The following CHST15 variants were observed in gnomAD, a reference collection of about 807,000 sequenced individuals.
CHST15 encodes the protein carbohydrate sulfotransferase 15, also known as B cell RAG associated protein (GALNAC4S-6ST).
Under a neutral mutation model 53.6 loss-of-function variants are expected in CHST15, and 30 were observed. The observed-to-expected ratio is 0.56, with a 90% CI of 0.42 to 0.76. The LOEUF (loss-of-function observed/expected upper bound fraction) is 0.76. CHST15 is among the 30% of genes least tolerant of loss of function. The pLI is 0.00. For synonymous variants in CHST15, 296 were observed against 289.8 expected, an observed-to-expected ratio of 1.02 and a Z score of -0.22; for missense variants, 627 against 740.5, an observed-to-expected ratio of 0.85 and a Z score of 1.78.
At position 124,009,105 on chromosome 10, in the gene CHST15, T is replaced by G. The variant is rs1464205475; in HGVS notation, c.*1044A>C. 7.9e-7 allele frequency: 1 copy of G among 1,261,004 alleles called. No homozygotes were observed. Among genetic ancestry groups the G allele is most frequent in the Admixed American group, 2.3e-5 (1 of 42,656 alleles). The allele number at this position is 1,261,004 out of a possible 1,614,324, so 78.1% of individuals were successfully genotyped here. On this transcript the variant is annotated 3_prime_UTR_variant, in exon 8 of 8. Transcript: ENST00000435907. ...AGTGGAGAATGTGGAAATAAACTATTTCCAATGGGAAGGCAGAGAAATGGA... is the reference window on the plus strand; with the variant it reads ...AGTGGAGAATGTGGAAATAAACTATGTCCAATGGGAAGGCAGAGAAATGGA...
At chr10:124,012,532 T>G (rs752137020) in intron 6 of CHST15, 52 bp from the exon 7 acceptor site, 2 of 1,561,244 alleles carry the variant, frequency 1.3e-6, no homozygotes, top group African/African-American at 2.7e-5. Flanking sequence ...CCCAACACCA[T>G]AGGGCACTTT....
intron 4 of CHST15, among the ~76,000 whole-genome samples, chr10:124,039,024 A>T (rs1303832737): frequency 6.6e-6 from 1 of 152,200 alleles, no homozygotes; most frequent in Non-Finnish European, 1.5e-5. Flanking sequence ...CTCACAGTGC[A>T]CAGCTCTGTG....
chr10:124,041,363 G>A (rs575387548), intron 4 of CHST15, among the ~76,000 whole-genome samples: 1 of 152,228 alleles, frequency 6.6e-6, no homozygotes, highest in African/African-American at 2.4e-5. Flanking sequence ...CTTTTAGAAG[G>A]CATCAGTGGA....
In CHST15 at chr10:124,008,518, C is replaced by G. The variant is rs905247399; in HGVS notation, c.*1631G>C. On this transcript the variant is annotated 3_prime_UTR_variant, in exon 8 of 8. Transcript: ENST00000435907. ...TGCAAGTGGGAGTTCAGGACACACG[C>G]TCCTTCAGTAGCAAAAACAGCCCTG... The G allele has an allele frequency of 1.0e-6, 1 of 992,540 alleles. No individual in the cohort carries two copies. Among genetic ancestry groups the G allele is most frequent in the Admixed American group, 5.8e-5 (1 of 17,302 alleles). 61.5% of individuals were successfully genotyped at this position (992,540 alleles called of 1,614,324 possible).
intron 1 of CHST15, among the ~76,000 whole-genome samples, chr10:124,055,727 G>A (rs1446246438): frequency 6.6e-6 from 1 of 152,166 alleles, no homozygotes; most frequent in Non-Finnish European, 1.5e-5. Flanking sequence ...AAATGACCAT[G>A]CTCATCCAGA....
intron 6 of CHST15, chr10:124,020,134 G>A (rs928148511): frequency 2.7e-5 from 27 of 985,438 alleles, no homozygotes; most frequent in East Asian, 2.3e-4. Context: ...AGGACCCAGC[G>A]TCATGCAGGG....
In CHST15 at chr10:124,026,716, C is replaced by T. The variant is rs987801592; in HGVS notation, c.1191-5304G>A. ...GTGGAGCCAGGCGACAGGCAGCTCACGGCCTCAGCGGATGCTTGCTTTCAG... is the reference window on the plus strand; with the variant it reads ...GTGGAGCCAGGCGACAGGCAGCTCATGGCCTCAGCGGATGCTTGCTTTCAG... On this transcript the variant is annotated intron_variant, in intron 5 of 7. Transcript: ENST00000435907. Among the ~76,000 whole-genome samples the T allele has an allele frequency of 6.6e-5, 10 of 152,298 alleles. No homozygotes were observed. In the Middle Eastern group the frequency reaches 0.014, roughly 207 times the overall value.
At chr10:124,053,860 G>C (rs182230954) in intron 1 of CHST15, among the ~76,000 whole-genome samples, 2 of 151,950 alleles carry the variant, frequency 1.3e-5, no homozygotes, top group African/African-American at 4.8e-5. Flanking sequence ...TTGAGGCTAC[G>C]GTGAGTTGTG....
rs953952887 is a variant in CHST15 at position 124,020,070 on chromosome 10, G to A, written c.1347+1186C>T. The A allele has an allele frequency of 1.2e-5, 12 of 985,592 alleles. No homozygotes were observed. The African/African-American group carries it at 1.2e-4, about 10-fold the overall frequency. The allele number at this position is 985,592 out of a possible 1,614,324, so 61.1% of individuals were successfully genotyped here. A position where few individuals can be genotyped will look rare whatever the true frequency, so the allele number is the denominator to read the frequency against. On this transcript the variant is annotated intron_variant, in intron 6 of 7. Coordinates refer to ENST00000435907, the MANE Select transcript of CHST15 (RefSeq NM_001270764.2). ...TGCCCAGCCTCCATCTTCTCTCCCC[G>A]CCAGCTGCACAGGAAGGCAAGGACC... is the stretch of plus-strand genomic sequence containing the variant.
chr10:124,069,805 T>C (rs868728466), intron 1 of CHST15, among the ~76,000 whole-genome samples: 1 of 152,200 alleles, frequency 6.6e-6, no homozygotes, highest in Admixed American at 6.5e-5. Context: ...GATTTTTCTC[T>C]CATTGCCTGC....
intron 1 of CHST15, among the ~76,000 whole-genome samples, chr10:124,078,454 G>T (rs773058898): frequency 6.6e-6 from 1 of 152,180 alleles, no homozygotes. Context: ...AATGCAGCCT[G>T]GTTTCCATTA....
chr10:124,023,268 T>C (rs970179132), intron 5 of CHST15, among the ~76,000 whole-genome samples: 1 of 152,058 alleles, frequency 6.6e-6, no homozygotes, highest in African/African-American at 2.4e-5. Flanking sequence ...GAGGATCACT[T>C]GAACCTAGGA....
chr10:124,086,348 C>A (rs977207471), intron 1 of CHST15, among the ~76,000 whole-genome samples: 8 of 152,226 alleles, frequency 5.3e-5, no homozygotes, highest in Non-Finnish European at 4.4e-5. Context: ...CTCCGCCACC[C>A]CAGATGTTTC....
At chr10:124,088,677 GAC>G (rs1949514006) in intron 1 of CHST15, among the ~76,000 whole-genome samples, 1 of 152,030 alleles carries the variant, frequency 6.6e-6, no homozygotes, top group South Asian at 2.1e-4. Flanking sequence ...CCCTTTAAAG[GAC>G]ACAAAGGGAT....
intron 3 of CHST15, 95 bp from the exon 4 acceptor site, chr10:124,042,542 C>CCTTTAGGCCTT: frequency 7.1e-7 from 1 of 1,413,294 alleles, no homozygotes; most frequent in Non-Finnish European, 9.7e-7. Context: ...ATGGAAAGGC[C>CCTTTAGGCCTT]TAAAGGGCCT....
At chr10:124,063,556 C>T (rs2134115149) in intron 1 of CHST15, among the ~76,000 whole-genome samples, 1 of 152,222 alleles carries the variant, frequency 6.6e-6, no homozygotes, top group East Asian at 1.9e-4. Flanking sequence ...AGACACTGAA[C>T]TTGGATATGC....
chr10:124,051,553 C>T (rs187797364), intron 1 of CHST15, among the ~76,000 whole-genome samples: 10 of 152,266 alleles, frequency 6.6e-5, no homozygotes, highest in East Asian at 3.9e-4. Flanking sequence ...TCAGACAAGA[C>T]GGGGCCCTTG....
At chr10:124,078,714 C>T (rs898664062) in intron 1 of CHST15, among the ~76,000 whole-genome samples, 14 of 152,136 alleles carry the variant, frequency 9.2e-5, no homozygotes, top group Non-Finnish European at 5.9e-5. Flanking sequence ...AAAAGACAAA[C>T]AACAATGCTA....
At chr10:124,011,582 G>A in intron 7 of CHST15, 2 of 985,462 alleles carry the variant, frequency 2.0e-6, no homozygotes, top group Non-Finnish European at 2.4e-6. Context: ...AGCCTGCTCA[G>A]CCTTTCAAGC....
Sources: allele counts gnomAD v4.1 joint callset (sites outside exome capture counted in the v4.1 genomes callset), GRCh38; gene constraint gnomAD v4.1.1; transcripts MANE v1.5; gene names NCBI Gene and HGNC (gene_info 2026-07-23, HGNC 2026-07-21).